The following ORC3 variants were observed in gnomAD, a reference collection of about 807,000 sequenced individuals.
ORC3 encodes the protein homolog of latheo, Drosophila.
In ORC3, 78 loss-of-function variants were observed where a neutral mutation model predicts 100.7. The ratio of observed to expected loss-of-function variants is 0.77; its 90% CI spans 0.65 to 0.94. The LOEUF (loss-of-function observed/expected upper bound fraction) is 0.94, where lower values mean the gene tolerates loss of function less well. ORC3 is among the 40% of genes least tolerant of loss of function. ORC3 has a pLI of 0.00. For synonymous variants in ORC3, 295 were observed against 289.3 expected, an observed-to-expected ratio of 1.02 and a Z score of -0.20; for missense variants, 789 against 823.9, an observed-to-expected ratio of 0.96 and a Z score of 0.52.
chr6:87,609,248 G>T lies in ORC3; in HGVS notation c.713+19G>T. On this transcript the variant is annotated intron_variant, in intron 7 of 19. Coordinates refer to ENST00000392844, the MANE Select transcript of ORC3 (RefSeq NM_012381.4). ...TCAGCAGGTAGATGGTGTATTACCT[G>T]GCTTTTATGAAAAACTCCCTTTTTA... 6.6e-7 allele frequency: 1 copy of T among 1,514,568 alleles called. No individual in the cohort carries two copies. Among genetic ancestry groups the T allele is most frequent in the Non-Finnish European group, 8.8e-7 (1 of 1,134,000 alleles). 93.8% of individuals were successfully genotyped at this position (1,514,568 alleles called of 1,614,324 possible).
intron 5 of ORC3, among the ~76,000 whole-genome samples, chr6:87,606,369 A>T (rs1411196359): frequency 1.3e-5 from 2 of 152,192 alleles, no homozygotes; most frequent in African/African-American, 2.4e-5. Context: ...TTGTCAGCTC[A>T]AAAGAGAGTA....
chr6:87,621,917 C>T, intron 10 of ORC3, 33 bp from the exon 11 acceptor site: 1 of 1,482,272 alleles, frequency 6.7e-7, no homozygotes, highest in Non-Finnish European at 9.3e-7. Flanking sequence ...GTTTAATTTT[C>T]TCTTTTTATG....
At chr6:87,676,186 C>T in the ORC3 span, among the ~76,000 whole-genome samples, 32 of 152,002 alleles carry the variant, frequency 2.1e-4, no homozygotes, top group South Asian at 2.1e-3. Context: ...AGGCTGGGAC[C>T]GGGTGCGGTG....
chr6:87,642,943 T>TA (rs10657359), intron 13 of ORC3, among the ~76,000 whole-genome samples: 11 of 150,994 alleles, frequency 7.3e-5, no homozygotes, highest in African/African-American at 2.2e-4. Flanking sequence ...AAATGAAAAA[T>TA]AAAAATAGAA....
intron 1 of ORC3, among the ~76,000 whole-genome samples, chr6:87,590,883 ATGTGGATGCGGGTGTG>A (rs1295856926): frequency 6.6e-6 from 1 of 152,306 alleles, no homozygotes; most frequent in South Asian, 2.1e-4. Flanking sequence ...TGAAAAAGTA[ATGTGGATGCGGGTGTG>A]TGTGGTGGGA....
At chr6:87,661,653 G>A (rs1740955333) in intron 16 of ORC3, among the ~76,000 whole-genome samples, 1 of 152,172 alleles carries the variant, frequency 6.6e-6, no homozygotes, top group African/African-American at 2.4e-5. Context: ...CAGTGACTGG[G>A]CTGAGGTAGC....
chr6:87,651,662 A>G (rs908448656), intron 13 of ORC3, among the ~76,000 whole-genome samples: 1 of 152,190 alleles, frequency 6.6e-6, no homozygotes, highest in African/African-American at 2.4e-5. Context: ...AACAATTGCC[A>G]TATTTAGTGG....
intron 13 of ORC3, chr6:87,651,013 A>G (rs1769220562): frequency 5.5e-6 from 2 of 365,198 alleles, no homozygotes; most frequent in African/African-American, 4.3e-5. Flanking sequence ...GTCTCAAAGA[A>G]AAAACAAAAA....
intron 16 of ORC3, among the ~76,000 whole-genome samples, chr6:87,659,333 A>G (rs1309327274): frequency 6.6e-6 from 1 of 151,764 alleles, no homozygotes; most frequent in African/African-American, 2.4e-5. Flanking sequence ...AAGTGCTGGG[A>G]TTACAGGCGT....
intron 11 of ORC3, 34 bp from the exon 12 acceptor site, chr6:87,634,811 C>A: frequency 2.0e-6 from 2 of 1,024,540 alleles, no homozygotes; most frequent in Non-Finnish European, 3.1e-6. Context: ...TATTAGCTGA[C>A]TTACATATTA....
intron 2 of ORC3, among the ~76,000 whole-genome samples, chr6:87,598,546 T>A (rs1448550564): frequency 6.6e-6 from 1 of 152,226 alleles, no homozygotes; most frequent in Non-Finnish European, 1.5e-5. Context: ...TTTAGAACTT[T>A]TTGTATTGAA....
At position 87,612,240 on chromosome 6, in the gene ORC3, C is replaced by T. The variant is rs1442558052; in HGVS notation, c.865C>T (p.Leu289Phe). ...LSCKEHLTTV[L>F]DKLLLTTQFP... ...TTGTAAGGAGCACCTGACTACGGTA[C>T]TCGATAAGGTAAAAAGAATAAGTTT... The change falls in exon 8 of 20, where the codon CTC becomes TTC. Residue 289 changes from leucine to phenylalanine, a missense_variant. This residue lies in a region of ORC3 where 399 missense variants were observed against 382.0 expected (regional missense o/e 1.04). Transcript: ENST00000392844. 8 of 1,599,186 alleles carry T rather than the reference C, an allele frequency of 5.0e-6. No homozygotes were observed. Among genetic ancestry groups the T allele is most frequent in the Non-Finnish European group, 6.8e-6 (8 of 1,174,780 alleles).
chr6:87,631,792 C>G (rs1027367090), intron 11 of ORC3, among the ~76,000 whole-genome samples: 1 of 151,988 alleles, frequency 6.6e-6, no homozygotes, highest in African/African-American at 2.4e-5. Flanking sequence ...CTGCCCGGCC[C>G]GAAAATTTTC....
intron 9 of ORC3, among the ~76,000 whole-genome samples, chr6:87,619,348 T>C (rs894359641): frequency 6.6e-6 from 1 of 152,238 alleles, no homozygotes; most frequent in Admixed American, 6.5e-5. Flanking sequence ...GGTTTCCTGA[T>C]AATTTATTAA....
At chr6:87,645,513 T>TTTTTG (rs1169568527) in intron 13 of ORC3, among the ~76,000 whole-genome samples, 3 of 152,218 alleles carry the variant, frequency 2.0e-5, no homozygotes, top group African/African-American at 7.2e-5. Flanking sequence ...TTTACATGCT[T>TTTTTG]TTTTGTTTTG....
At chr6:87,655,202 T>G (rs1157435109) in intron 14 of ORC3, among the ~76,000 whole-genome samples, 3 of 152,126 alleles carry the variant, frequency 2.0e-5, no homozygotes, top group East Asian at 1.9e-4. Context: ...AGATTTTTTT[T>G]GAGACAGGAT....
chr6:87,658,117 C>G (rs1769865984), intron 16 of ORC3, 99 bp downstream of exon 16: 2 of 652,828 alleles, frequency 3.1e-6, no homozygotes, highest in Non-Finnish European at 2.7e-6. Flanking sequence ...ACATTTTTCT[C>G]CTAGGTTAGG....
At chr6:87,665,683 AAAG>A (rs1294137728) in intron 18 of ORC3, 68 bp from the exon 19 acceptor site, 10 of 843,824 alleles carry the variant, frequency 1.2e-5, no homozygotes, top group Non-Finnish European at 2.0e-5. Context: ...ACAGCCATTA[AAAG>A]AAGTATAGTA....
intron 2 of ORC3, among the ~76,000 whole-genome samples, chr6:87,600,161 T>A (rs190700148): frequency 7.2e-4 from 110 of 152,304 alleles, no homozygotes; most frequent in African/African-American, 2.6e-3. Context: ...TTCCTTAACA[T>A]GAAGTGAATT....
Sources: gnomAD v4.1 joint callset for allele counts (sites outside exome capture counted in the v4.1 genomes callset) on GRCh38, gnomAD v4.1.1 for gene constraint, gnomAD v4.1.1 regional missense constraint, MANE v1.5 for transcripts, NCBI Gene and HGNC (gene_info 2026-07-23, HGNC 2026-07-21) for gene names.